SRI: variants seen among roughly 807,000 people sequenced by gnomAD.
The protein encoded by SRI is sorcin, also known as 22 kDa protein.
In SRI, 30 loss-of-function variants were observed where a neutral mutation model predicts 33.3. That is an observed-to-expected ratio of 0.90 (90% CI 0.67 to 1.22). The LOEUF (loss-of-function observed/expected upper bound fraction) is 1.22, where lower values mean the gene tolerates loss of function less well. Ranked by LOEUF, SRI falls within the 50% of genes most tolerant of loss-of-function variation. SRI has a pLI of 0.00. For missense variants in SRI, 243 were observed against 250.8 expected (o/e 0.97, Z 0.21); for synonymous variants, 75 against 89.9 (o/e 0.83, Z 0.94).
upstream of SRI, among the ~76,000 whole-genome samples, chr7:88,224,487 G>A (rs1187055066): frequency 6.6e-6 from 1 of 152,154 alleles, no homozygotes; most frequent in East Asian, 1.9e-4. Context: ...ATCTGGGTGT[G>A]GCACCTCATG....
chr7:88,223,056 A>G (rs1198860861), upstream of SRI, among the ~76,000 whole-genome samples: 1 of 152,162 alleles, frequency 6.6e-6, no homozygotes, highest in Non-Finnish European at 1.5e-5. Flanking sequence ...CATCAGAGTG[A>G]ACAGGCAACC....
Position 88,219,869 on chromosome 7 carries a change from G to A in SRI, c.51+107C>T, listed in dbSNP as rs1330065367. 1.1e-5 allele frequency: 15 copies of A among 1,377,880 alleles called. No homozygotes were observed. In the Admixed American group the frequency reaches 3.3e-4, roughly 30 times the overall value. The allele number at this position is 1,377,880 out of a possible 1,614,324, so 85.4% of individuals were successfully genotyped here. A position where few individuals can be genotyped will look rare whatever the true frequency, so the allele number is the denominator to read the frequency against. On this transcript the variant is annotated intron_variant, in intron 1 of 7. Transcript: ENST00000265729. Reference sequence around the variant, plus strand: ...GAGAAGCCGAGGGCGGAAGGAGCCCGGGTAGCCGCCCAGCAGCGCCTCACC... The same window carrying A: ...GAGAAGCCGAGGGCGGAAGGAGCCCAGGTAGCCGCCCAGCAGCGCCTCACC...
In SRI at chr7:88,205,969, C is replaced by T. The variant is rs1851431364; in HGVS notation, c.*509G>A. On this transcript the variant is annotated 3_prime_UTR_variant, in exon 8 of 8. Transcript: ENST00000265729. ...GATAGTATTTGCCAATCAAATTATT[C>T]AACAGGTTTTGAAGGGCGTGTGCTA... 1 of 156,506 alleles carries T rather than the reference C, an allele frequency of 6.4e-6. No individual in the cohort carries two copies. The allele number at this position is 156,506 out of a possible 1,614,324, so 9.7% of individuals were successfully genotyped here. A position where few individuals can be genotyped will look rare whatever the true frequency, so the allele number is the denominator to read the frequency against.
In SRI at chr7:88,205,614, A is replaced by G. The variant is rs934629565; in HGVS notation, c.*864T>C. On this transcript the variant is annotated 3_prime_UTR_variant, in exon 8 of 8. Transcript: ENST00000265729. ...CTGACTCCCAGTGGTAGCCAGATCA[A>G]TGTTTTGGTACATACTTTCCGATAC... is the stretch of plus-strand genomic sequence containing the variant. 1 of 152,200 alleles carries G rather than the reference A, an allele frequency of 6.6e-6. No individual in the cohort carries two copies. The highest frequency in any genetic ancestry group is 1.5e-5 in the Non-Finnish European group (1 of 68,018). 9.4% of individuals were successfully genotyped at this position (152,200 alleles called of 1,614,324 possible). A position where few individuals can be genotyped will look rare whatever the true frequency, so the allele number is the denominator to read the frequency against.
At chr7:88,219,031 T>C in intron 1 of SRI, 89 bp from the exon 2 acceptor site, 5 of 1,060,432 alleles carry the variant, frequency 4.7e-6, no homozygotes, top group Admixed American at 1.9e-5. Flanking sequence ...GCCAGACAAC[T>C]GCCCGCCTGC....
chr7:88,220,101 G>A, upstream of SRI: 1 of 1,437,246 alleles, frequency 7.0e-7, no homozygotes, highest in South Asian at 1.4e-5. Context: ...CCGCCCTGCC[G>A]CTAGGGGGCC....
Position 88,217,103 on chromosome 7 carries a change from T to G in SRI, c.205+19A>C, listed in dbSNP as rs1256184782. ...AACACAAGAGTATATTTAGACAAACTTTGGGACTGTCAACTTACGTTTGTA... is the reference window on the plus strand; with the variant it reads ...AACACAAGAGTATATTTAGACAAACGTTGGGACTGTCAACTTACGTTTGTA... On this transcript the variant is annotated intron_variant, in intron 3 of 7. Coordinates refer to ENST00000265729, the MANE Select transcript of SRI (RefSeq NM_003130.4). 6.2e-7 allele frequency: 1 copy of G among 1,611,696 alleles called. No homozygotes were observed. The highest frequency in any genetic ancestry group is 8.5e-7 in the Non-Finnish European group (1 of 1,177,874).
rs1332723853 is a variant in SRI, at chr7:88,209,307, T to C, written c.511+32A>G. On this transcript the variant is annotated intron_variant, in intron 6 of 7. Transcript: ENST00000265729. The stretch of plus-strand genomic sequence containing the variant: ...AATGTAATAAAAACTGTGTCTTGGC[T>C]TGTGGTGATGACACGACCTTATAGA... 6 of 1,535,550 alleles carry C rather than the reference T, an allele frequency of 3.9e-6. No homozygotes were observed. The African/African-American group carries it at 6.8e-5, about 17-fold the overall frequency.
At position 88,206,405 on chromosome 7, in the gene SRI, C is replaced by T. The variant is rs374884791; in HGVS notation, c.*73G>A. 6 of 1,561,548 alleles carry T rather than the reference C, an allele frequency of 3.8e-6. No individual in the cohort carries two copies. In the East Asian group the frequency reaches 6.7e-5, roughly 18 times the overall value. On this transcript the variant is annotated 3_prime_UTR_variant, in exon 8 of 8. Coordinates refer to ENST00000265729, the MANE Select transcript of SRI (RefSeq NM_003130.4). ...CGTGATGTAAGTTTATACATATTAC[C>T]GAAGGCAAAGAGGACAAGCAAAGGA... is the stretch of plus-strand genomic sequence containing the variant.
At chr7:88,224,609 T>C (rs1851957811), upstream of SRI, among the ~76,000 whole-genome samples, 1 of 152,212 alleles carries the variant, frequency 6.6e-6, no homozygotes, top group African/African-American at 2.4e-5. Flanking sequence ...TTCTTAAGAT[T>C]GTTGGGAAAG....
upstream of SRI, among the ~76,000 whole-genome samples, chr7:88,220,921 A>G (rs972292820): frequency 2.0e-5 from 3 of 152,196 alleles, no homozygotes; most frequent in Non-Finnish European, 4.4e-5. Flanking sequence ...TCTTTACTTC[A>G]TATATTTTTC....
intron 7 of SRI, 58 bp downstream of exon 7, chr7:88,208,449 A>G: frequency 6.2e-7 from 1 of 1,604,148 alleles, no homozygotes; most frequent in Non-Finnish European, 8.5e-7. Context: ...TTTCAAAGGG[A>G]TACCCATCTG....
chr7:88,208,912 T>C, intron 6 of SRI: 1 of 323,616 alleles, frequency 3.1e-6, no homozygotes, highest in Non-Finnish European at 5.8e-6. Flanking sequence ...ATAACAAAGA[T>C]ACTGCTTAAG....
At position 88,206,362 on chromosome 7, in the gene SRI, C is replaced by T; in HGVS notation, c.*116G>A. The stretch of plus-strand genomic sequence containing the variant: ...GTACATAAAGTAATAAACTTTACAA[C>T]AGCTGTTAAGAGAAAGTCGTGATGT... On this transcript the variant is annotated 3_prime_UTR_variant, in exon 8 of 8. Coordinates refer to ENST00000265729, the MANE Select transcript of SRI (RefSeq NM_003130.4). 8.4e-7 allele frequency: 1 copy of T among 1,188,724 alleles called. No homozygotes were observed. The highest frequency in any genetic ancestry group is 2.3e-5 in the East Asian group (1 of 42,812). 73.6% of individuals were successfully genotyped at this position (1,188,724 alleles called of 1,614,324 possible). A position where few individuals can be genotyped will look rare whatever the true frequency, so the allele number is the denominator to read the frequency against.
intron 1 of SRI, chr7:88,226,858 C>T: frequency 6.3e-7 from 1 of 1,583,788 alleles, no homozygotes. Flanking sequence ...AGAATTAGAA[C>T]ATTGGAGCTG....
At chr7:88,219,080 ACT>A in intron 1 of SRI, 138 bp from the exon 2 acceptor site, 2 of 712,080 alleles carry the variant, frequency 2.8e-6, no homozygotes, top group Non-Finnish European at 5.0e-6. Context: ...CACCGGGCAC[ACT>A]CTGCCAACAC....
intron 4 of SRI, 80 bp downstream of exon 4, chr7:88,210,802 T>A: frequency 7.6e-7 from 1 of 1,312,798 alleles, no homozygotes; most frequent in Non-Finnish European, 1.1e-6. Flanking sequence ...ACTTTGTGTT[T>A]ACTAGATATT....
chr7:88,226,888 A>G (rs757529316), intron 1 of SRI: 2 of 1,611,880 alleles, frequency 1.2e-6, no homozygotes, highest in Non-Finnish European at 1.7e-6. Flanking sequence ...GTCTAATATT[A>G]TATACATATC....
In SRI at chr7:88,205,626, A is replaced by G. The variant is rs1026389054; in HGVS notation, c.*852T>C. 6.6e-6 allele frequency: 1 copy of G among 152,232 alleles called. No individual in the cohort carries two copies. The highest frequency in any genetic ancestry group is 1.5e-5 in the Non-Finnish European group (1 of 68,040). The allele number at this position is 152,232 out of a possible 1,614,324, so 9.4% of individuals were successfully genotyped here. Reference sequence around the variant, plus strand: ...GGTAGCCAGATCAATGTTTTGGTACATACTTTCCGATACTCTGCTATGTGT... The same window carrying G: ...GGTAGCCAGATCAATGTTTTGGTACGTACTTTCCGATACTCTGCTATGTGT... On this transcript the variant is annotated 3_prime_UTR_variant, in exon 8 of 8. Transcript: ENST00000265729.
Sources: allele counts gnomAD v4.1 joint callset (sites outside exome capture counted in the v4.1 genomes callset), GRCh38; gene constraint gnomAD v4.1.1; transcripts MANE v1.5; gene names NCBI Gene and HGNC (gene_info 2026-07-23, HGNC 2026-07-21).